The following MARCHF4 variants were observed in gnomAD, a reference collection of about 807,000 sequenced individuals.
MARCHF4 encodes E3 ubiquitin-protein ligase MARCHF4.
In MARCHF4, 14 loss-of-function variants were observed where a neutral mutation model predicts 43.9. The observed-to-expected ratio is 0.32, with a 90% confidence interval of 0.21 to 0.50. The LOEUF is 0.50. Among genes scored for constraint, MARCHF4 ranks in the 20% least tolerant of loss-of-function variants. The pLI is 0.98. For synonymous variants in MARCHF4, 226 were observed against 213.3 expected (o/e 1.06, Z -0.52); for missense variants, 468 against 536.7 (o/e 0.87, Z 1.27).
chr2:216,323,198 A>AT (rs1183102942), intron 1 of MARCHF4, among the ~76,000 whole-genome samples: 1 of 152,088 alleles, frequency 6.6e-6, no homozygotes, highest in African/African-American at 2.4e-5. Flanking sequence ...ATAGTAATTA[A>AT]TTTTCTCCTT....
chr2:216,313,658 C>A (rs1239737845), intron 1 of MARCHF4, among the ~76,000 whole-genome samples: 1 of 152,178 alleles, frequency 6.6e-6, no homozygotes, highest in East Asian at 1.9e-4. Context: ...TCTCTTTCAA[C>A]CTTGTTCACA....
chr2:216,340,601 A>T (rs1401414946), intron 1 of MARCHF4, among the ~76,000 whole-genome samples: 1 of 152,028 alleles, frequency 6.6e-6, no homozygotes, highest in Non-Finnish European at 1.5e-5. Flanking sequence ...GTCTTAGCCT[A>T]CCCTTGGTCC....
chr2:216,297,484 G>A (rs1180039311), intron 1 of MARCHF4, among the ~76,000 whole-genome samples: 2 of 152,140 alleles, frequency 1.3e-5, no homozygotes, highest in Non-Finnish European at 2.9e-5. Context: ...CCAAAGGAGA[G>A]AGGCCATAGC....
At chr2:216,302,172 C>A (rs1488444928) in intron 1 of MARCHF4, among the ~76,000 whole-genome samples, 1 of 152,116 alleles carries the variant, frequency 6.6e-6, no homozygotes, top group Non-Finnish European at 1.5e-5. Context: ...TTACTTAGAA[C>A]AAGTAAGCAG....
intron 3 of MARCHF4, among the ~76,000 whole-genome samples, chr2:216,264,191 C>G (rs145110256): frequency 6.6e-6 from 1 of 152,046 alleles, no homozygotes; most frequent in Non-Finnish European, 1.5e-5. Flanking sequence ...CAAGGTTCAT[C>G]GAAAAAGAGG....
At chr2:216,328,549 C>T (rs763217813) in intron 1 of MARCHF4, among the ~76,000 whole-genome samples, 3 of 152,184 alleles carry the variant, frequency 2.0e-5, no homozygotes, top group Non-Finnish European at 2.9e-5. Context: ...GCTTTGCCCT[C>T]CAGGGGCCGT....
intron 1 of MARCHF4, among the ~76,000 whole-genome samples, chr2:216,324,548 T>C (rs1168521697): frequency 6.6e-6 from 1 of 151,880 alleles, no homozygotes; most frequent in Non-Finnish European, 1.5e-5. Flanking sequence ...TTGATGAACA[T>C]CGATGCAAAA....
intron 1 of MARCHF4, among the ~76,000 whole-genome samples, chr2:216,369,231 T>C (rs1395353488): frequency 6.6e-6 from 1 of 152,130 alleles, no homozygotes; most frequent in East Asian, 1.9e-4. Flanking sequence ...GATGTCAACG[T>C]GATATGAAAG....
rs966077168 is a variant in MARCHF4, at chr2:216,369,907, G to C, written c.354C>G (p.Asp118Glu). 6.2e-7 allele frequency: 1 copy of C among 1,613,112 alleles called. No homozygotes were observed. The highest frequency in any genetic ancestry group is 8.5e-7 in the Non-Finnish European group (1 of 1,179,634). ...PPLPPSSVED[D>E]WGGPATEPPA... ...GTGGCTCTGTGGCTGGGCCACCCCA[G>C]TCATCTTCCACAGAAGAAGGTGGCA... Residue 118 changes from aspartate (D) to glutamate (E), a missense_variant, in exon 1 of 4, where the codon GAC becomes GAG. Coordinates refer to ENST00000273067, the MANE Select transcript of MARCHF4 (RefSeq NM_020814.3).
chr2:216,345,483 CA>C (rs1402488942), intron 1 of MARCHF4, among the ~76,000 whole-genome samples: 1 of 152,086 alleles, frequency 6.6e-6, no homozygotes, highest in African/African-American at 2.4e-5. Context: ...CCTTTATCAT[CA>C]AGCTATATTT....
chr2:216,319,142 T>C (rs1014821023), intron 1 of MARCHF4, among the ~76,000 whole-genome samples: 1 of 152,072 alleles, frequency 6.6e-6, no homozygotes, highest in African/African-American at 2.4e-5. Flanking sequence ...ACCCTGTTTC[T>C]ACTAAAAATA....
At chr2:216,350,214 A>C (rs568088187) in intron 1 of MARCHF4, among the ~76,000 whole-genome samples, 8 of 147,606 alleles carry the variant, frequency 5.4e-5, no homozygotes, top group Admixed American at 6.7e-5. Context: ...CTGTCTCATC[A>C]TGCCACACCC....
At chr2:216,265,976 T>C (rs1427826271) in intron 3 of MARCHF4, 1 of 152,200 alleles carries the variant, frequency 6.6e-6, no homozygotes, top group Non-Finnish European at 1.5e-5. Flanking sequence ...TAGGACATGG[T>C]TTTTATTCCT....
chr2:216,268,636 C>A (rs1690884883), intron 3 of MARCHF4, among the ~76,000 whole-genome samples: 1 of 152,160 alleles, frequency 6.6e-6, no homozygotes, highest in South Asian at 2.1e-4. Flanking sequence ...TATAAATTAC[C>A]CAGTATCAGG....
intron 3 of MARCHF4, among the ~76,000 whole-genome samples, chr2:216,274,179 G>C (rs1005657779): frequency 6.6e-6 from 1 of 152,142 alleles, no homozygotes; most frequent in Non-Finnish European, 1.5e-5. Flanking sequence ...CATGGTTGTG[G>C]GTCTCATCTT....
chr2:216,330,987 A>G (rs2105969453), intron 1 of MARCHF4, among the ~76,000 whole-genome samples: 1 of 152,224 alleles, frequency 6.6e-6, no homozygotes, highest in African/African-American at 2.4e-5. Flanking sequence ...TAAGATCAGA[A>G]ATTAATGAAT....
At chr2:216,359,729 G>C (rs975106908) in intron 1 of MARCHF4, among the ~76,000 whole-genome samples, 1 of 152,184 alleles carries the variant, frequency 6.6e-6, no homozygotes, top group Non-Finnish European at 1.5e-5. Flanking sequence ...CTTTCACGCT[G>C]AGACCCCTTC....
intron 1 of MARCHF4, among the ~76,000 whole-genome samples, chr2:216,355,765 G>A (rs147487125): frequency 2.1e-4 from 32 of 152,328 alleles, no homozygotes; most frequent in African/African-American, 7.2e-4. Flanking sequence ...GGTTCTCCCT[G>A]GAACAAAGAT....
At position 216,370,810 on chromosome 2, in the gene MARCHF4, G is replaced by A. The variant is rs1424383143; in HGVS notation, c.-550C>T. On this transcript the variant is annotated 5_prime_UTR_variant, in exon 1 of 4. Transcript: ENST00000273067. The stretch of plus-strand genomic sequence containing the variant: ...CAATGAAGAATTGAGGACTGCATGT[G>A]TGAGAGAGAAAAGATCGTTTTTCTC... 2 of 152,258 alleles carry A rather than the reference G, an allele frequency of 1.3e-5. No individual in the cohort carries two copies. The highest frequency in any genetic ancestry group is 2.9e-5 in the Non-Finnish European group (2 of 68,094). 9.4% of individuals were successfully genotyped at this position (152,258 alleles called of 1,614,324 possible). A position where few individuals can be genotyped will look rare whatever the true frequency, so the allele number is the denominator to read the frequency against.
Sources: allele counts gnomAD v4.1 joint callset (sites outside exome capture counted in the v4.1 genomes callset), GRCh38; gene constraint gnomAD v4.1.1; transcripts MANE v1.5; gene names NCBI Gene and HGNC (gene_info 2026-07-23, HGNC 2026-07-21).